Variants in KDM4C observed in about 807,000 individuals in gnomAD.
The protein encoded by KDM4C is lysine demethylase 4C, also known as lysine-specific demethylase 4C.
In KDM4C, 81 loss-of-function variants were observed where a neutral mutation model predicts 129.3. The observed-to-expected ratio is 0.63, with a 90% CI of 0.52 to 0.75. KDM4C has a LOEUF of 0.75. Among genes scored for constraint, KDM4C ranks in the 30% least tolerant of loss-of-function variants. The probability of loss-of-function intolerance (pLI) is 0.00; values close to 1 mark genes in which losing one functional copy is unlikely to be tolerated. For synonymous variants in KDM4C, 573 were observed against 456.1 expected, an observed-to-expected ratio of 1.26 and a Z score of -3.26; for missense variants, 1,457 against 1,304.0, an observed-to-expected ratio of 1.12 and a Z score of -1.81.
intron 4 of KDM4C, among the ~76,000 whole-genome samples, chr9:6,832,741 T>C (rs1013746883): frequency 1.6e-5 from 2 of 121,848 alleles, no homozygotes; most frequent in African/African-American, 6.5e-5. Flanking sequence ...TTTTTTTTTT[T>C]ACGGAGATGG....
At chr9:6,741,030 G>A (rs1376580431) in intron 1 of KDM4C, among the ~76,000 whole-genome samples, 1 of 151,498 alleles carries the variant, frequency 6.6e-6, no homozygotes, top group Non-Finnish European at 1.5e-5. Flanking sequence ...TCACTATGTT[G>A]GCCAGGCTGG....
chr9:7,134,076 C>CG lies in KDM4C; in HGVS notation c.2781+5840_2781+5841insG, dbSNP rs542163242. Among the ~76,000 whole-genome samples, 110 of 152,136 alleles carry CG rather than the reference C, an allele frequency of 7.2e-4. 2 individuals carry two copies. The South Asian group carries it at 0.022, about 30-fold the overall frequency. ...TGCCCTTCTCCTCTTCCCTCTCCCC[C>CG]TCCCTGCCAGGAAGTTCTGGTTCTT... is the stretch of plus-strand genomic sequence containing the variant. On this transcript the variant is annotated intron_variant, in intron 19 of 21. Transcript: ENST00000381309.
chr9:6,870,291 A>G (rs556685716), intron 5 of KDM4C, among the ~76,000 whole-genome samples: 36 of 152,176 alleles, frequency 2.4e-4, no homozygotes, highest in African/African-American at 8.7e-4. Flanking sequence ...CTTGGAGGAC[A>G]GATGGGCCCT....
chr9:6,734,925 C>A, intron 1 of KDM4C: 1 of 574,262 alleles, frequency 1.7e-6, no homozygotes, highest in Non-Finnish European at 3.5e-6. Flanking sequence ...AAGTCTGTGG[C>A]TGTGCAACTT....
chr9:7,033,142 G>C (rs1190577543), intron 15 of KDM4C, among the ~76,000 whole-genome samples: 1 of 129,644 alleles, frequency 7.7e-6, no homozygotes, highest in African/African-American at 2.6e-5. Flanking sequence ...TTTTATGCTG[G>C]ATTTTTTTTT....
rs373399589 is a variant in KDM4C at position 6,980,095 on chromosome 9, G to A, written c.922-830G>A. On this transcript the variant is annotated intron_variant, in intron 8 of 21. Coordinates refer to ENST00000381309, the MANE Select transcript of KDM4C (RefSeq NM_015061.6). The stretch of plus-strand genomic sequence containing the variant: ...AAAACTGTTCAGTCAGTCTGTTACC[G>A]GGTATGTTAGGGATTGTCAAGGTCT... Among the ~76,000 whole-genome samples the A allele has an allele frequency of 6.6e-5, 10 of 152,220 alleles. No individual in the cohort carries two copies. In the East Asian group the frequency reaches 1.7e-3, roughly 26 times the overall value.
intron 17 of KDM4C, among the ~76,000 whole-genome samples, chr9:7,085,184 C>T (rs904956678): frequency 1.3e-5 from 2 of 152,172 alleles, no homozygotes; most frequent in African/African-American, 2.4e-5. Context: ...GGCATTGGAG[C>T]CCTGTGGCAG....
intron 15 of KDM4C, among the ~76,000 whole-genome samples, chr9:7,036,519 G>C (rs818871): frequency 1 from 151,980 of 152,316 alleles, 75,822 homozygotes; most frequent in Middle Eastern, 1. Flanking sequence ...AATTTTCATA[G>C]CATTGTAAAC....
chr9:7,071,317 AT>A (rs1833162940), intron 17 of KDM4C, among the ~76,000 whole-genome samples: 1 of 152,216 alleles, frequency 6.6e-6, no homozygotes, highest in Admixed American at 6.5e-5. Context: ...TCTAAAATTT[AT>A]GTGGAAAGGG....
rs1366484064 is a variant in KDM4C, at chr9:6,829,636, T to G, written c.435+14891T>G. On this transcript the variant is annotated intron_variant, in intron 4 of 21. Coordinates refer to ENST00000381309, the MANE Select transcript of KDM4C (RefSeq NM_015061.6). Reference sequence around the variant, plus strand: ...GAGCTGGGAGACCCCCCTTTCCTATTCTGTCTCTACTCTTTCAGACAGTCA... The same window carrying G: ...GAGCTGGGAGACCCCCCTTTCCTATGCTGTCTCTACTCTTTCAGACAGTCA... Among the ~76,000 whole-genome samples, 7 of 152,314 alleles carry G rather than the reference T, an allele frequency of 4.6e-5. No homozygotes were observed. In the East Asian group the frequency reaches 1.4e-3, roughly 29 times the overall value.
At position 6,984,147 on chromosome 9, in the gene KDM4C, C is replaced by A; in HGVS notation, c.1116-19C>A. 2 of 1,548,540 alleles carry A rather than the reference C, an allele frequency of 1.3e-6. No individual in the cohort carries two copies. The highest frequency in any genetic ancestry group is 1.8e-6 in the Non-Finnish European group (2 of 1,121,172). On this transcript the variant is annotated intron_variant, in intron 9 of 21. Transcript: ENST00000381309. The stretch of plus-strand genomic sequence containing the variant: ...CATTGCAGACATCCCGCTCTGACCA[C>A]TGCTTCTCTTGTTGACAGCTTCCAG...
At chr9:7,023,639 T>G (rs983709544) in intron 15 of KDM4C, among the ~76,000 whole-genome samples, 1 of 152,192 alleles carries the variant, frequency 6.6e-6, no homozygotes, top group Non-Finnish European at 1.5e-5. Context: ...CACTTATTTC[T>G]ACTCTGATCT....
intron 17 of KDM4C, among the ~76,000 whole-genome samples, chr9:7,078,819 T>A (rs1280178001): frequency 6.6e-6 from 1 of 152,140 alleles, no homozygotes; most frequent in Non-Finnish European, 1.5e-5. Flanking sequence ...ACACTGGAGG[T>A]GTCCATGAGC....
intron 6 of KDM4C, among the ~76,000 whole-genome samples, chr9:6,886,518 G>A (rs909890840): frequency 2.9e-5 from 4 of 139,952 alleles, no homozygotes; most frequent in Non-Finnish European, 4.6e-5. Flanking sequence ...TTTTTGAGGA[G>A]TCTTACTCTG....
At chr9:7,145,758 C>A (rs952489425) in intron 19 of KDM4C, among the ~76,000 whole-genome samples, 1 of 152,370 alleles carries the variant, frequency 6.6e-6, no homozygotes, top group Admixed American at 6.5e-5. Flanking sequence ...GCTTAAGTTT[C>A]TTAACATGTT....
At chr9:6,946,998 T>C (rs1315883992) in intron 8 of KDM4C, among the ~76,000 whole-genome samples, 1 of 152,084 alleles carries the variant, frequency 6.6e-6, no homozygotes, top group African/African-American at 2.4e-5. Context: ...GTCTAAGTCA[T>C]AGTGAAGGGA....
intron 5 of KDM4C, among the ~76,000 whole-genome samples, chr9:6,860,348 C>T (rs985768042): frequency 1.8e-4 from 27 of 152,104 alleles, no homozygotes; most frequent in East Asian, 9.6e-4. Flanking sequence ...TATGTCTTGA[C>T]GGAGGGTTTT....
chr9:7,050,627 A>G (rs1282846817), intron 17 of KDM4C, among the ~76,000 whole-genome samples: 2 of 152,154 alleles, frequency 1.3e-5, no homozygotes, highest in African/African-American at 2.4e-5. Flanking sequence ...GATATTTGTC[A>G]AAATTCTACA....
rs1032326463 is a variant in KDM4C, at chr9:6,967,196, G to C, written c.922-13729G>C. On this transcript the variant is annotated intron_variant, in intron 8 of 21. Coordinates refer to ENST00000381309, the MANE Select transcript of KDM4C (RefSeq NM_015061.6). Reference sequence around the variant, plus strand: ...CCCAGCACTTGGGGAGGCCAAGGCAGGCGGATCACTTGAGGTCAGGAGTTC... The same window carrying C: ...CCCAGCACTTGGGGAGGCCAAGGCACGCGGATCACTTGAGGTCAGGAGTTC... Among the ~76,000 whole-genome samples the C allele has an allele frequency of 7.9e-5, 12 of 152,248 alleles. No individual in the cohort carries two copies. In the East Asian group the frequency reaches 1.7e-3, roughly 22 times the overall value.
Sources: gnomAD v4.1 joint callset for allele counts (sites outside exome capture counted in the v4.1 genomes callset) on GRCh38, gnomAD v4.1.1 for gene constraint, MANE v1.5 for transcripts, NCBI Gene and HGNC (gene_info 2026-07-23, HGNC 2026-07-21) for gene names.